NRG3: variants seen among roughly 807,000 people sequenced by gnomAD.
The protein encoded by NRG3 is neuregulin 3, also known as pro-neuregulin-3, membrane-bound isoform.
NRG3 carries 31 observed loss-of-function variants against 66.9 expected under a neutral mutation model. The observed-to-expected ratio is 0.46, with a 90% CI of 0.35 to 0.63. The LOEUF is 0.63. Ranked by LOEUF, NRG3 falls within the 20% of genes least tolerant of loss-of-function variation. The probability of loss-of-function intolerance (pLI) is 0.00; values close to 1 mark genes in which losing one functional copy is unlikely to be tolerated. For synonymous variants in NRG3, 393 were observed against 359.4 expected, an observed-to-expected ratio of 1.09 and a Z score of -1.06; for missense variants, 910 against 878.9, an observed-to-expected ratio of 1.04 and a Z score of -0.45.
chr10:82,325,682 G>C (rs2081836494), intron 1 of NRG3, among the ~76,000 whole-genome samples: 1 of 151,232 alleles, frequency 6.6e-6, no homozygotes, highest in Non-Finnish European at 1.5e-5. Context: ...TTTCGTGGTT[G>C]CTTTATCATT....
At chr10:82,901,805 T>C (rs1263637755) in intron 4 of NRG3, among the ~76,000 whole-genome samples, 2 of 152,182 alleles carry the variant, frequency 1.3e-5, no homozygotes, top group African/African-American at 4.8e-5. Context: ...TCTGTGTTAT[T>C]CAGGTACCTA....
intron 3 of NRG3, among the ~76,000 whole-genome samples, chr10:82,827,428 G>A (rs1456890962): frequency 3.9e-5 from 6 of 152,094 alleles, no homozygotes; most frequent in Admixed American, 3.9e-4. Context: ...CTGATGAGCA[G>A]GTAGTACTTC....
chr10:82,698,082 A>T (rs2055539807), intron 2 of NRG3, among the ~76,000 whole-genome samples: 1 of 152,174 alleles, frequency 6.6e-6, no homozygotes, highest in Non-Finnish European at 1.5e-5. Flanking sequence ...TAAAAATATT[A>T]TCTAATAACC....
At chr10:82,094,683 G>A (rs2066228093) in intron 1 of NRG3, among the ~76,000 whole-genome samples, 2 of 152,114 alleles carry the variant, frequency 1.3e-5, no homozygotes, top group East Asian at 3.9e-4. Flanking sequence ...ATTTCATGGT[G>A]TATGTATATA....
At chr10:82,083,705 C>T (rs896555751) in intron 1 of NRG3, among the ~76,000 whole-genome samples, 4 of 151,422 alleles carry the variant, frequency 2.6e-5, no homozygotes, top group African/African-American at 4.9e-5. Context: ...AGTGATTCTC[C>T]TCCCTCAGCC....
intron 1 of NRG3, among the ~76,000 whole-genome samples, chr10:82,312,538 A>G (rs1223416499): frequency 1.3e-5 from 2 of 152,206 alleles, no homozygotes; most frequent in African/African-American, 2.4e-5. Context: ...TTGGGCCTGA[A>G]AGGCAAGAAT....
chr10:82,042,191 T>G (rs967680236), intron 1 of NRG3, among the ~76,000 whole-genome samples: 1 of 152,010 alleles, frequency 6.6e-6, no homozygotes, highest in Non-Finnish European at 1.5e-5. Flanking sequence ...AGAACAGAAT[T>G]TTTTTAAAAA....
intron 2 of NRG3, among the ~76,000 whole-genome samples, chr10:82,588,694 G>C (rs184375183): frequency 6.6e-6 from 1 of 151,958 alleles, no homozygotes; most frequent in African/African-American, 2.4e-5. Context: ...GTAGAGATGG[G>C]GTTTCACTGT....
chr10:82,977,927 C>A (rs571899004), intron 7 of NRG3, among the ~76,000 whole-genome samples: 1 of 152,034 alleles, frequency 6.6e-6, no homozygotes, highest in Non-Finnish European at 1.5e-5. Context: ...TCTTTAGAAC[C>A]TTGATAAATT....
chr10:82,160,537 G>T (rs764110146), intron 1 of NRG3, among the ~76,000 whole-genome samples: 1 of 151,498 alleles, frequency 6.6e-6, no homozygotes. Context: ...ACAGAGTCTT[G>T]CTCTGTTGCC....
intron 1 of NRG3, among the ~76,000 whole-genome samples, chr10:82,307,257 T>G (rs1162127015): frequency 6.6e-6 from 1 of 152,200 alleles, no homozygotes; most frequent in African/African-American, 2.4e-5. Context: ...TTATTTATTC[T>G]TTTCCATATT....
chr10:82,049,824 C>T (rs1003315859), intron 1 of NRG3, among the ~76,000 whole-genome samples: 8 of 151,834 alleles, frequency 5.3e-5, no homozygotes, highest in South Asian at 2.1e-4. Flanking sequence ...ACATTCATCT[C>T]GTGTGACCCT....
At position 82,610,250 on chromosome 10, in the gene NRG3, C is replaced by G. The variant is rs567651891; in HGVS notation, c.954-128327C>G. On this transcript the variant is annotated intron_variant, in intron 2 of 8. Coordinates refer to ENST00000372141, the MANE Select transcript of NRG3 (RefSeq NM_001010848.4). ...AGACTTTTAAGTGACTTGATTGGGACAAGCTGGACAAACTCTCTACTTTAG... is the reference window on the plus strand; with the variant it reads ...AGACTTTTAAGTGACTTGATTGGGAGAAGCTGGACAAACTCTCTACTTTAG... 7.2e-5 allele frequency among the ~76,000 whole-genome samples: 11 copies of G among 152,268 alleles called. 1 individual carries two copies. The South Asian group carries it at 2.3e-3, about 32-fold the overall frequency.
At chr10:81,992,693 C>T (rs2060789429) in intron 1 of NRG3, among the ~76,000 whole-genome samples, 1 of 152,122 alleles carries the variant, frequency 6.6e-6, no homozygotes, top group African/African-American at 2.4e-5. Flanking sequence ...CTGTCACCTC[C>T]TCTTTTTCTG....
At chr10:82,410,711 A>G (rs2088009605) in intron 2 of NRG3, among the ~76,000 whole-genome samples, 1 of 151,946 alleles carries the variant, frequency 6.6e-6, no homozygotes, top group Non-Finnish European at 1.5e-5. Flanking sequence ...TGATATCCAA[A>G]TGTATCTTTT....
At chr10:82,535,848 C>T (rs2132693799) in intron 2 of NRG3, among the ~76,000 whole-genome samples, 1 of 151,494 alleles carries the variant, frequency 6.6e-6, no homozygotes, top group African/African-American at 2.4e-5. Flanking sequence ...GTCTCTTTGC[C>T]TAAATTAAAT....
chr10:82,025,468 T>C (rs943783273), intron 1 of NRG3, among the ~76,000 whole-genome samples: 7 of 151,910 alleles, frequency 4.6e-5, no homozygotes, highest in African/African-American at 1.2e-4. Flanking sequence ...CATGTGCATA[T>C]GCCTGAGATA....
chr10:82,902,944 G>A (rs186887804), intron 4 of NRG3, among the ~76,000 whole-genome samples: 1 of 152,132 alleles, frequency 6.6e-6, no homozygotes. Flanking sequence ...CAGGTGAACT[G>A]TGTAGCCTAG....
chr10:82,853,833 T>C (rs2063680562), intron 3 of NRG3, among the ~76,000 whole-genome samples: 1 of 152,170 alleles, frequency 6.6e-6, no homozygotes, highest in Admixed American at 6.5e-5. Flanking sequence ...TCCCATATTT[T>C]ACTGAATAGA....
Sources: allele counts gnomAD v4.1 joint callset (sites outside exome capture counted in the v4.1 genomes callset), GRCh38; gene constraint gnomAD v4.1.1; transcripts MANE v1.5; gene names NCBI Gene and HGNC (gene_info 2026-07-23, HGNC 2026-07-21).